Variants in MYRFL observed in about 807,000 individuals in gnomAD.
MYRFL encodes the protein myelin regulatory factor like.
A neutral mutation model predicts 109.4 loss-of-function variants in MYRFL; 88 were observed. The observed-to-expected ratio is 0.80, with a 90% confidence interval of 0.68 to 0.96. The LOEUF is 0.96. Among genes scored for constraint, MYRFL ranks in the 40% least tolerant of loss-of-function variants. MYRFL has a pLI of 0.00. For missense variants in MYRFL, 957 were observed against 954.9 expected (o/e 1.00, Z -0.03); for synonymous variants, 324 against 320.9 (o/e 1.01, Z -0.10).
chr12:69,828,072 G>T (rs1882398914), intron 1 of MYRFL, among the ~76,000 whole-genome samples: 1 of 152,048 alleles, frequency 6.6e-6, no homozygotes, highest in Non-Finnish European at 1.5e-5. Context: ...TCAGCAAAAT[G>T]CTTCTGTTTA....
At chr12:69,952,327 C>A in intron 20 of MYRFL, 152 bp downstream of exon 20, 1 of 662,042 alleles carries the variant, frequency 1.5e-6, no homozygotes, top group South Asian at 1.8e-5. Context: ...TAATCGATGC[C>A]ACCCTAACCA....
chr12:69,953,313 CTT>C (rs989751699), intron 21 of MYRFL, among the ~76,000 whole-genome samples: 23 of 152,186 alleles, frequency 1.5e-4, no homozygotes, highest in South Asian at 4.1e-4. Flanking sequence ...AAAAATATAA[CTT>C]AGCTTTTCAG....
At chr12:69,866,526 T>TTTTTG (rs766835447) in intron 2 of MYRFL, among the ~76,000 whole-genome samples, 6 of 152,016 alleles carry the variant, frequency 3.9e-5, no homozygotes, top group Admixed American at 6.6e-5. Context: ...GGATGCAGGG[T>TTTTTG]TTTTGTTTTG....
chr12:69,899,328 T>C (rs183838658), intron 10 of MYRFL, among the ~76,000 whole-genome samples: 367 of 152,342 alleles, frequency 2.4e-3, no homozygotes, highest in Non-Finnish European at 3.7e-3. Flanking sequence ...ATGGCATTAT[T>C]GTTTGAATTA....
intron 19 of MYRFL, among the ~76,000 whole-genome samples, chr12:69,950,985 A>G (rs1955959322): frequency 6.6e-6 from 1 of 152,220 alleles, no homozygotes. Context: ...GGATTCAAAG[A>G]ATATTAGTAG....
At chr12:69,837,571 T>A (rs915386801) in intron 1 of MYRFL, among the ~76,000 whole-genome samples, 5 of 152,294 alleles carry the variant, frequency 3.3e-5, no homozygotes, top group Admixed American at 6.5e-5. Context: ...CTCTGTAAGG[T>A]GGTAAAACCC....
chr12:69,958,470 C>CTTAT lies in MYRFL; in HGVS notation c.2675_2678dup (p.Phe893LeufsTer38). ...GATTTAGCTGACTGTTCAACTGATC[C>CTTAT]TTATTTTGCTGGGATATTCTTCACC... On this transcript the variant is annotated frameshift_variant, in exon 25 of 25. Transcript: ENST00000552032. LOFTEE classifies it high-confidence loss of function. 6.5e-7 allele frequency: 1 copy of CTTAT among 1,533,818 alleles called. No homozygotes were observed. Among genetic ancestry groups the CTTAT allele is most frequent in the Non-Finnish European group, 8.7e-7 (1 of 1,146,334 alleles).
At chr12:69,931,992 C>G (rs1592855473) in intron 15 of MYRFL, among the ~76,000 whole-genome samples, 2 of 152,140 alleles carry the variant, frequency 1.3e-5, no homozygotes, top group African/African-American at 4.8e-5. Context: ...TCTGTATATA[C>G]AGGTGACAAA....
intron 16 of MYRFL, among the ~76,000 whole-genome samples, chr12:69,933,325 G>T (rs920029255): frequency 6.6e-6 from 1 of 152,090 alleles, no homozygotes; most frequent in Non-Finnish European, 1.5e-5. Flanking sequence ...TGGTCATCTT[G>T]CTGTGTTCTC....
rs57201624 is a variant in MYRFL at position 69,865,658 on chromosome 12, T to A, written c.137+10288T>A. Reference sequence around the variant, plus strand: ...CTCAGCATGCCAAGGCACCATACTTTGGGGTATTGTGTTCTGAGCTACCTG... The same window carrying A: ...CTCAGCATGCCAAGGCACCATACTTAGGGGTATTGTGTTCTGAGCTACCTG... On this transcript the variant is annotated intron_variant, in intron 2 of 24. Coordinates refer to ENST00000552032, the MANE Select transcript of MYRFL (RefSeq NM_182530.3). Among the ~76,000 whole-genome samples the A allele has an allele frequency of 4.7e-3, 717 of 152,230 alleles. 7 individuals are homozygous for A. The highest frequency in any genetic ancestry group is 0.017 in the African/African-American group (695 of 41,542).
In MYRFL at chr12:69,958,429, T is replaced by C. The variant is rs1300300571; in HGVS notation, c.2647-16T>C. 10 of 1,502,122 alleles carry C rather than the reference T, an allele frequency of 6.7e-6. No individual in the cohort carries two copies. In the East Asian group the frequency reaches 9.9e-5, roughly 15 times the overall value. The allele number at this position is 1,502,122 out of a possible 1,614,324, so 93.0% of individuals were successfully genotyped here. ...TTACATTAATCTTCCTTTTTTTTTT[T>C]CTCCTTTTCTGACAGGATTTAGCTG... On this transcript the variant is annotated splice_polypyrimidine_tract_variant and intron_variant, in intron 24 of 24. Coordinates refer to ENST00000552032, the MANE Select transcript of MYRFL (RefSeq NM_182530.3).
At chr12:69,946,698 C>T (rs1287370193) in intron 19 of MYRFL, 1 of 152,178 alleles carries the variant, frequency 6.6e-6, no homozygotes, top group African/African-American at 2.4e-5. Flanking sequence ...TTCCAAGGAC[C>T]CCATGTCAGG....
chr12:69,904,581 G>T (rs1954295102), intron 11 of MYRFL, among the ~76,000 whole-genome samples: 1 of 152,112 alleles, frequency 6.6e-6, no homozygotes, highest in Non-Finnish European at 1.5e-5. Context: ...GACACCCTTG[G>T]CTCTTTTTTA....
At chr12:69,848,851 C>A (rs541962585) in intron 1 of MYRFL, among the ~76,000 whole-genome samples, 1 of 152,194 alleles carries the variant, frequency 6.6e-6, no homozygotes, top group South Asian at 2.1e-4. Flanking sequence ...TTAAACATGA[C>A]ACTGGCTCTT....
chr12:69,882,523 T>G (rs531764050), intron 5 of MYRFL, among the ~76,000 whole-genome samples: 3 of 152,298 alleles, frequency 2.0e-5, no homozygotes, highest in African/African-American at 4.8e-5. Flanking sequence ...GGATCACCAA[T>G]TTTTGATCAG....
intron 1 of MYRFL, among the ~76,000 whole-genome samples, chr12:69,851,494 T>A (rs996724311): frequency 6.6e-6 from 1 of 152,188 alleles, no homozygotes; most frequent in Non-Finnish European, 1.5e-5. Flanking sequence ...AAACAGTATG[T>A]ATGCAAAATC....
intron 23 of MYRFL, 59 bp from the exon 24 acceptor site, chr12:69,958,190 C>G: frequency 7.1e-7 from 1 of 1,405,878 alleles, no homozygotes; most frequent in Non-Finnish European, 9.7e-7. Context: ...AGCCTGTACT[C>G]TTTCCTACTG....
chr12:69,956,324 C>T (rs10879062), intron 22 of MYRFL, among the ~76,000 whole-genome samples: 19,384 of 152,082 alleles, frequency 0.13, 1,848 homozygotes, highest in East Asian at 0.48. Context: ...GGACACTGCC[C>T]TTTCCTGACA....
At chr12:69,861,900 T>C (rs1784090768) in intron 2 of MYRFL, among the ~76,000 whole-genome samples, 1 of 151,930 alleles carries the variant, frequency 6.6e-6, no homozygotes, top group Non-Finnish European at 1.5e-5. Context: ...TGTAAGTCTT[T>C]AATCCATCTT....
Sources: allele counts gnomAD v4.1 joint callset (sites outside exome capture counted in the v4.1 genomes callset), GRCh38; gene constraint gnomAD v4.1.1; transcripts MANE v1.5; gene names NCBI Gene and HGNC (gene_info 2026-07-23, HGNC 2026-07-21).